Variants in SLC44A5 observed in about 807,000 individuals in gnomAD.
SLC44A5 encodes solute carrier family 44 member 5, also known as choline transporter-like protein 5.
SLC44A5 carries 57 observed loss-of-function variants against 101.8 expected under a neutral mutation model. The observed-to-expected ratio is 0.56, with a 90% CI of 0.45 to 0.70. SLC44A5 has a LOEUF of 0.70. SLC44A5 is among the 30% of genes least tolerant of loss of function. SLC44A5 has a pLI of 0.00. For missense variants in SLC44A5, 737 were observed against 853.1 expected (o/e 0.86, Z 1.70); for synonymous variants, 281 against 290.9 (o/e 0.97, Z 0.35).
rs536881109 is a variant in SLC44A5, at chr1:75,380,455, T to A, written c.52+16128A>T. On this transcript the variant is annotated intron_variant, in intron 3 of 23. Coordinates refer to ENST00000370859, the MANE Select transcript of SLC44A5 (RefSeq NM_001130058.2). ...GATTGCTCAATTATTACTCCTGCCATATATTAAGGATGGAAATAGTGAAAT... is the reference window on the plus strand; with the variant it reads ...GATTGCTCAATTATTACTCCTGCCAAATATTAAGGATGGAAATAGTGAAAT... Among the ~76,000 whole-genome samples, 80 of 83,528 alleles carry A rather than the reference T, an allele frequency of 9.6e-4. 25 individuals carry two copies. The South Asian group carries it at 0.026, about 27-fold the overall frequency. 54.8% of individuals were successfully genotyped at this position (83,528 alleles called of 152,430 possible).
intron 3 of SLC44A5, among the ~76,000 whole-genome samples, chr1:75,386,250 G>C (rs1313405980): frequency 6.6e-6 from 1 of 152,084 alleles, no homozygotes; most frequent in Non-Finnish European, 1.5e-5. Context: ...ATTCAATTAG[G>C]AAAAGAGGAA....
chr1:75,375,966 G>T (rs539996243), intron 3 of SLC44A5, among the ~76,000 whole-genome samples: 1 of 152,172 alleles, frequency 6.6e-6, no homozygotes, highest in Non-Finnish European at 1.5e-5. Flanking sequence ...GTGGGCGCAG[G>T]TCAGTGGGTG....
the SLC44A5 span, among the ~76,000 whole-genome samples, chr1:75,679,366 G>C: frequency 2.6e-5 from 4 of 152,138 alleles, no homozygotes; most frequent in African/African-American, 9.7e-5. Flanking sequence ...CAGAGAGAAA[G>C]GTCGGGTTAC....
intron 2 of SLC44A5, among the ~76,000 whole-genome samples, chr1:75,469,360 G>A (rs183072012): frequency 2.3e-4 from 35 of 152,224 alleles, no homozygotes; most frequent in African/African-American, 8.4e-4. Flanking sequence ...CTTATGAAAG[G>A]TAAATGATGA....
intron 2 of SLC44A5, among the ~76,000 whole-genome samples, chr1:75,407,998 C>T (rs59152507): frequency 0.026 from 3,929 of 152,236 alleles, 141 homozygotes; most frequent in African/African-American, 0.08. Flanking sequence ...CTACAAGAAA[C>T]TTACACAAAT....
At chr1:75,558,981 G>A (rs944901969) in intron 1 of SLC44A5, among the ~76,000 whole-genome samples, 1 of 152,008 alleles carries the variant, frequency 6.6e-6, no homozygotes, top group African/African-American at 2.4e-5. Flanking sequence ...CAGGCACTGT[G>A]GTAGAAGTGC....
At chr1:75,404,127 A>G (rs1662689647) in intron 2 of SLC44A5, among the ~76,000 whole-genome samples, 1 of 152,042 alleles carries the variant, frequency 6.6e-6, no homozygotes, top group Non-Finnish European at 1.5e-5. Flanking sequence ...TAATGTAATG[A>G]AGCATGAAGA....
intron 23 of SLC44A5, chr1:75,206,668 G>A: frequency 6.2e-7 from 1 of 1,613,226 alleles, no homozygotes; most frequent in Non-Finnish European, 8.5e-7. Flanking sequence ...CAGGTTAGGG[G>A]TTACGAAGTA....
chr1:75,597,652 C>A (rs975580333), intron 1 of SLC44A5, among the ~76,000 whole-genome samples: 10 of 152,126 alleles, frequency 6.6e-5, no homozygotes, highest in Non-Finnish European at 1.3e-4. Context: ...TCCACACCTA[C>A]AACTGTCTGA....
chr1:75,396,432 G>T, intron 3 of SLC44A5, 151 bp downstream of exon 3: 1 of 670,090 alleles, frequency 1.5e-6, no homozygotes, highest in Non-Finnish European at 2.6e-6. Flanking sequence ...ACAGACAGTT[G>T]AAAGAAGAAT....
chr1:75,236,282 C>A (rs1242260453), intron 11 of SLC44A5, among the ~76,000 whole-genome samples: 1 of 151,864 alleles, frequency 6.6e-6, no homozygotes, highest in African/African-American at 2.4e-5. Flanking sequence ...TAGTCTTTGA[C>A]CATTAGGGAA....
intron 1 of SLC44A5, among the ~76,000 whole-genome samples, chr1:75,568,173 A>G (rs1672887802): frequency 6.6e-6 from 1 of 152,216 alleles, no homozygotes; most frequent in Non-Finnish European, 1.5e-5. Flanking sequence ...AAATTAGTTT[A>G]AATAGAAACT....
At chr1:75,649,835 T>C in the SLC44A5 span, among the ~76,000 whole-genome samples, 211 of 152,316 alleles carry the variant, frequency 1.4e-3, 1 homozygote, top group South Asian at 0.015. Context: ...TGTATGCCTG[T>C]ACTGAAAAGC....
chr1:75,374,234 A>G (rs1660418066), intron 3 of SLC44A5, among the ~76,000 whole-genome samples: 1 of 152,180 alleles, frequency 6.6e-6, no homozygotes, highest in Non-Finnish European at 1.5e-5. Context: ...CCCTGGCCAC[A>G]GTCAACACAC....
chr1:75,214,132 G>A (rs1646915364), intron 20 of SLC44A5, 143 bp from the exon 21 acceptor site: 1 of 633,508 alleles, frequency 1.6e-6, no homozygotes. Context: ...AAGAAATGAT[G>A]GTGGAACTCA....
At chr1:75,522,549 T>C (rs968978086) in intron 2 of SLC44A5, among the ~76,000 whole-genome samples, 10 of 151,834 alleles carry the variant, frequency 6.6e-5, no homozygotes, top group Non-Finnish European at 1.5e-4. Flanking sequence ...AGGCATCAAC[T>C]GGCAGTGCTG....
At chr1:75,670,601 C>G in the SLC44A5 span, among the ~76,000 whole-genome samples, 35 of 152,060 alleles carry the variant, frequency 2.3e-4, no homozygotes, top group Non-Finnish European at 4.9e-4. Flanking sequence ...AATAGACTGT[C>G]CCAACTTCTA....
chr1:75,295,558 T>G (rs1287947893), intron 5 of SLC44A5, among the ~76,000 whole-genome samples: 4 of 152,160 alleles, frequency 2.6e-5, no homozygotes, highest in Admixed American at 6.5e-5. Context: ...GTCCTAGGCT[T>G]AAAAGCAGGG....
At chr1:75,206,911 C>G (rs796870608) in intron 23 of SLC44A5, among the ~76,000 whole-genome samples, 3 of 152,112 alleles carry the variant, frequency 2.0e-5, no homozygotes, top group African/African-American at 7.2e-5. Context: ...CCAGGAAACA[C>G]TGAAACTTCC....
Sources: gnomAD v4.1 joint callset for allele counts (sites outside exome capture counted in the v4.1 genomes callset) on GRCh38, gnomAD v4.1.1 for gene constraint, MANE v1.5 for transcripts, NCBI Gene and HGNC (gene_info 2026-07-23, HGNC 2026-07-21) for gene names.